Variants in ZNF451 observed in about 807,000 individuals in gnomAD.
ZNF451 encodes E3 SUMO-protein ligase ZNF451.
A neutral mutation model predicts 107.1 loss-of-function variants in ZNF451; 80 were observed. The ratio of observed to expected loss-of-function variants is 0.75; its 90% confidence interval spans 0.62 to 0.90. The LOEUF (loss-of-function observed/expected upper bound fraction) is 0.90. Among genes scored for constraint, ZNF451 ranks in the 40% least tolerant of loss-of-function variants. The pLI is 0.00. For synonymous variants in ZNF451, 362 were observed against 406.5 expected, an observed-to-expected ratio of 0.89 and a Z score of 1.32; for missense variants, 1,107 against 1,236.2, an observed-to-expected ratio of 0.90 and a Z score of 1.57.
At chr6:57,121,489 G>T (rs1172371846) in intron 3 of ZNF451, among the ~76,000 whole-genome samples, 2 of 152,112 alleles carry the variant, frequency 1.3e-5, no homozygotes, top group African/African-American at 4.8e-5. Flanking sequence ...ACAATAGTGA[G>T]TCTTCTATCT....
chr6:57,127,144 C>G (rs560321175), intron 4 of ZNF451, among the ~76,000 whole-genome samples: 6 of 152,136 alleles, frequency 3.9e-5, no homozygotes, highest in African/African-American at 1.4e-4. Flanking sequence ...TTTCTTATTG[C>G]ATGTTATTCA....
Position 57,128,782 on chromosome 6 carries a change from A to C in ZNF451, c.366A>C (p.Arg122=). ...GGTTACAAGAATTGGAATTTATTCG[A>C]GGACATTCTGATACAGAAGCAGCAA... ...AHGLQELEFI[R]GHSDTEAARL... Residue 122 remains arginine (R), a synonymous_variant, in exon 5 of 15, where the codon CGA becomes CGC. Coordinates refer to ENST00000370706, the MANE Select transcript of ZNF451 (RefSeq NM_001031623.3). 1.2e-6 allele frequency: 2 copies of C among 1,613,166 alleles called. No individual in the cohort carries two copies. The highest frequency in any genetic ancestry group is 1.7e-6 in the Non-Finnish European group (2 of 1,179,484).
In ZNF451 at chr6:57,169,468, A is replaced by G. The variant is rs923123443; in HGVS notation, c.*999A>G. On this transcript the variant is annotated 3_prime_UTR_variant, in exon 15 of 15. Transcript: ENST00000370706. ...AGTAGAAGACTAAGAAGGGCTTGTC[A>G]TATTATCTTTGTGTATATGCTTCAT... The G allele has an allele frequency of 6.6e-6, 1 of 152,122 alleles. No individual in the cohort carries two copies. Among genetic ancestry groups the G allele is most frequent in the East Asian group, 1.9e-4 (1 of 5,202 alleles). 9.4% of individuals were successfully genotyped at this position (152,122 alleles called of 1,614,324 possible).
chr6:57,112,199 G>A (rs1830147695), intron 3 of ZNF451, among the ~76,000 whole-genome samples: 2 of 151,988 alleles, frequency 1.3e-5, no homozygotes, highest in African/African-American at 4.8e-5. Context: ...ACAGAACTTT[G>A]GGGGGTGGTG....
At chr6:57,157,832 C>T (rs1763501917) in intron 13 of ZNF451, among the ~76,000 whole-genome samples, 1 of 151,902 alleles carries the variant, frequency 6.6e-6, no homozygotes. Flanking sequence ...TTCAGAGATG[C>T]AGATATAACT....
chr6:57,101,944 T>C, intron 3 of ZNF451: 1 of 1,550,558 alleles, frequency 6.4e-7, no homozygotes, highest in South Asian at 1.2e-5. Context: ...TCACAAATAC[T>C]ATAATCAGCA....
chr6:57,108,319 G>A, intron 3 of ZNF451: 1 of 985,266 alleles, frequency 1.0e-6, no homozygotes, highest in Non-Finnish European at 1.2e-6. Context: ...TACTGTTAAG[G>A]GCTACAGTTA....
At chr6:57,090,383 C>T in intron 1 of ZNF451, 109 bp downstream of exon 1, 4 of 1,515,722 alleles carry the variant, frequency 2.6e-6, no homozygotes, top group South Asian at 2.5e-5. Flanking sequence ...GGCGATACCT[C>T]TTCAGTGTCT....
intron 3 of ZNF451, chr6:57,105,960 A>G: frequency 1.0e-6 from 1 of 985,106 alleles, no homozygotes; most frequent in Non-Finnish European, 1.2e-6. Context: ...TTAGCCCTCA[A>G]AATGACATTT....
chr6:57,102,229 G>A (rs919091837), intron 3 of ZNF451: 3 of 1,389,700 alleles, frequency 2.2e-6, no homozygotes, highest in Non-Finnish European at 2.8e-6. Context: ...GATCACAGCT[G>A]ACATTTGAAT....
intron 3 of ZNF451, 172 bp from the exon 4 acceptor site, chr6:57,124,562 T>C (rs1830828304): frequency 2.9e-6 from 2 of 701,046 alleles, no homozygotes; most frequent in Non-Finnish European, 2.6e-6. Flanking sequence ...CCAAAGATGC[T>C]GGTGGATAAT....
chr6:57,143,789 G>A (rs375716761), intron 9 of ZNF451, among the ~76,000 whole-genome samples: 4 of 152,020 alleles, frequency 2.6e-5, no homozygotes, highest in African/African-American at 7.2e-5. Context: ...TAAAAAAATG[G>A]GAACATCCCA....
intron 3 of ZNF451, chr6:57,103,001 CCTT>C: frequency 2.0e-6 from 2 of 985,400 alleles, no homozygotes; most frequent in Non-Finnish European, 2.4e-6. Flanking sequence ...ACCAAGATGG[CCTT>C]CTTAAACAAC....
chr6:57,160,868 GATGA>G (rs1763642110), intron 13 of ZNF451: 2 of 405,636 alleles, frequency 4.9e-6, no homozygotes, highest in South Asian at 1.6e-4. Flanking sequence ...TCTCCATAGA[GATGA>G]ATGCATATGA....
At chr6:57,113,333 C>T (rs1294568784) in intron 3 of ZNF451, among the ~76,000 whole-genome samples, 2 of 150,910 alleles carry the variant, frequency 1.3e-5, no homozygotes, top group Middle Eastern at 3.4e-3. Flanking sequence ...TTTTTTTGGC[C>T]GTATAGTAGT....
intron 9 of ZNF451, among the ~76,000 whole-genome samples, chr6:57,144,380 AT>A (rs930212573): frequency 6.6e-6 from 1 of 151,318 alleles, no homozygotes; most frequent in Non-Finnish European, 1.5e-5. Flanking sequence ...ACCTGGGACT[AT>A]AGGTGTGTGC....
intron 5 of ZNF451, 90 bp from the exon 6 acceptor site, chr6:57,132,952 A>G: frequency 7.4e-7 from 1 of 1,355,976 alleles, no homozygotes; most frequent in Non-Finnish European, 1.0e-6. Context: ...CTATGTCATA[A>G]TTTTCATTGT....
chr6:57,105,665 C>A (rs1334363359), intron 3 of ZNF451: 1 of 985,162 alleles, frequency 1.0e-6, no homozygotes, highest in Admixed American at 6.2e-5. Context: ...TTTTGGGGGG[C>A]CTTAAGGCAG....
intron 13 of ZNF451, chr6:57,159,291 G>C: frequency 1.0e-6 from 1 of 985,414 alleles, no homozygotes; most frequent in Non-Finnish European, 1.2e-6. Flanking sequence ...CAAACCTGTA[G>C]TGTAGCCTTA....
Sources: gnomAD v4.1 joint callset for allele counts (sites outside exome capture counted in the v4.1 genomes callset) on GRCh38, gnomAD v4.1.1 for gene constraint, MANE v1.5 for transcripts, NCBI Gene and HGNC (gene_info 2026-07-23, HGNC 2026-07-21) for gene names.